Variants in MDGA2 observed in about 807,000 individuals in gnomAD.
MDGA2 encodes the protein MAM domain-containing glycosylphosphatidylinositol anchor protein 2.
Under a neutral mutation model 117.8 loss-of-function variants are expected in MDGA2, and 40 were observed. That is an observed-to-expected ratio of 0.34 (90% CI 0.26 to 0.44). The LOEUF is 0.44. Among genes scored for constraint, MDGA2 ranks in the 20% least tolerant of loss-of-function variants. The pLI, the probability that MDGA2 is intolerant of heterozygous loss-of-function variation, is 1.00. For synonymous variants in MDGA2, 452 were observed against 439.0 expected, an observed-to-expected ratio of 1.03 and a Z score of -0.37; for missense variants, 1,123 against 1,250.6, an observed-to-expected ratio of 0.90 and a Z score of 1.54.
At chr14:46,961,257 C>T (rs1225479047) in intron 8 of MDGA2, among the ~76,000 whole-genome samples, 1 of 152,102 alleles carries the variant, frequency 6.6e-6, no homozygotes, top group Non-Finnish European at 1.5e-5. Context: ...TGTCTTTCAT[C>T]TGAGGTAATT....
At chr14:46,942,488 T>C (rs1885033613) in intron 9 of MDGA2, among the ~76,000 whole-genome samples, 1 of 152,124 alleles carries the variant, frequency 6.6e-6, no homozygotes, top group Non-Finnish European at 1.5e-5. Flanking sequence ...TATATTGCTA[T>C]GTAATCACCA....
At chr14:47,008,382 C>G (rs1207921821) in intron 8 of MDGA2, among the ~76,000 whole-genome samples, 2 of 151,850 alleles carry the variant, frequency 1.3e-5, no homozygotes, top group Non-Finnish European at 2.9e-5. Context: ...CTCATACAAG[C>G]AGCTAAACAA....
At chr14:47,030,634 C>T (rs1594545476) in intron 8 of MDGA2, among the ~76,000 whole-genome samples, 1 of 151,900 alleles carries the variant, frequency 6.6e-6, no homozygotes, top group African/African-American at 2.4e-5. Context: ...TTCAATTATG[C>T]TATTCTAATG....
At chr14:47,481,671 T>C (rs1893956357) in intron 1 of MDGA2, among the ~76,000 whole-genome samples, 1 of 152,034 alleles carries the variant, frequency 6.6e-6, no homozygotes, top group South Asian at 2.1e-4. Flanking sequence ...AAATGATGTT[T>C]TGCTTAGTTT....
chr14:47,369,665 A>T (rs1891302898), intron 1 of MDGA2, among the ~76,000 whole-genome samples: 1 of 152,140 alleles, frequency 6.6e-6, no homozygotes, highest in East Asian at 1.9e-4. Context: ...CATTTCATTT[A>T]ATTATAAATA....
At chr14:47,351,135 A>G (rs1890871006) in intron 1 of MDGA2, among the ~76,000 whole-genome samples, 1 of 146,332 alleles carries the variant, frequency 6.8e-6, no homozygotes, top group Non-Finnish European at 1.5e-5. Flanking sequence ...CTGGAGTGCA[A>G]TGGCACGATC....
intron 10 of MDGA2, among the ~76,000 whole-genome samples, chr14:46,918,119 G>A (rs1224945005): frequency 6.6e-6 from 1 of 152,058 alleles, no homozygotes; most frequent in Non-Finnish European, 1.5e-5. Flanking sequence ...CCAAGAAAAC[G>A]TAACTGAGGA....
chr14:47,507,949 A>G (rs770028706), intron 1 of MDGA2, among the ~76,000 whole-genome samples: 3 of 152,214 alleles, frequency 2.0e-5, no homozygotes, highest in East Asian at 1.9e-4. Flanking sequence ...ATCCTCATAC[A>G]TGAATCCCAC....
intron 1 of MDGA2, among the ~76,000 whole-genome samples, chr14:47,601,176 A>G (rs138025549): frequency 5.2e-4 from 79 of 152,294 alleles, no homozygotes; most frequent in African/African-American, 1.8e-3. Context: ...AATAAATACT[A>G]GTCAGGGCCA....
intron 3 of MDGA2, among the ~76,000 whole-genome samples, chr14:47,162,397 C>A (rs536298903): frequency 1.3e-5 from 2 of 152,270 alleles, no homozygotes; most frequent in South Asian, 4.1e-4. Flanking sequence ...TCACTGGCTA[C>A]AGGATTCCTG....
At chr14:47,259,088 T>C (rs1887713142) in intron 2 of MDGA2, among the ~76,000 whole-genome samples, 1 of 152,050 alleles carries the variant, frequency 6.6e-6, no homozygotes, top group Non-Finnish European at 1.5e-5. Context: ...CCAAGACCAA[T>C]TTCCATTTGT....
rs184321821 is a variant in MDGA2 at position 46,857,848 on chromosome 14, G to T, written c.2753-2694C>A. ...TTATTTATCTTTTTTTATGAATGGG[G>T]TCTCTCCATCTTACTCAGGTAGATC... is the stretch of plus-strand genomic sequence containing the variant. On this transcript the variant is annotated intron_variant, in intron 14 of 16. Coordinates refer to ENST00000399232, the MANE Select transcript of MDGA2 (RefSeq NM_001113498.3). Among the ~76,000 whole-genome samples the T allele has an allele frequency of 2.0e-5, 3 of 151,910 alleles. No individual in the cohort carries two copies. In the East Asian group the frequency reaches 5.8e-4, roughly 29 times the overall value.
At chr14:46,862,439 G>T (rs1478547392) in intron 14 of MDGA2, among the ~76,000 whole-genome samples, 1 of 148,244 alleles carries the variant, frequency 6.7e-6, no homozygotes, top group Non-Finnish European at 1.5e-5. Context: ...ACTATAATTT[G>T]CATAAATAAT....
chr14:47,387,703 T>A (rs1891793327), intron 1 of MDGA2, among the ~76,000 whole-genome samples: 1 of 152,192 alleles, frequency 6.6e-6, no homozygotes, highest in Admixed American at 6.5e-5. Context: ...TTTTAACATA[T>A]TTATACTTTA....
At chr14:47,328,331 A>G (rs979439448) in intron 1 of MDGA2, among the ~76,000 whole-genome samples, 2 of 152,100 alleles carry the variant, frequency 1.3e-5, no homozygotes, top group African/African-American at 4.8e-5. Flanking sequence ...TATTTCTACT[A>G]ACTCAGGGAA....
intron 1 of MDGA2, among the ~76,000 whole-genome samples, chr14:47,488,887 T>G (rs1032727478): frequency 6.6e-6 from 1 of 152,136 alleles, no homozygotes; most frequent in East Asian, 1.9e-4. Context: ...AGTTTTCCTC[T>G]TAGATAAGAG....
intron 6 of MDGA2, among the ~76,000 whole-genome samples, chr14:47,065,511 G>C (rs1367051425): frequency 6.6e-6 from 1 of 152,166 alleles, no homozygotes; most frequent in Non-Finnish European, 1.5e-5. Flanking sequence ...TTGAAAGAGG[G>C]AACATTGCCT....
At chr14:47,021,277 T>C (rs541543478) in intron 8 of MDGA2, among the ~76,000 whole-genome samples, 46 of 152,282 alleles carry the variant, frequency 3.0e-4, no homozygotes, top group Middle Eastern at 3.4e-3. Context: ...TCCAGTAGTG[T>C]ACCTAGCAAC....
intron 8 of MDGA2, among the ~76,000 whole-genome samples, chr14:46,959,224 T>C (rs1170579203): frequency 8.0e-5 from 8 of 100,482 alleles, no homozygotes; most frequent in South Asian, 6.7e-4. Context: ...ATCACTATAA[T>C]CTCTTTTATC....
Sources: allele counts gnomAD v4.1 joint callset (sites outside exome capture counted in the v4.1 genomes callset), GRCh38; gene constraint gnomAD v4.1.1; transcripts MANE v1.5; gene names NCBI Gene and HGNC (gene_info 2026-07-23, HGNC 2026-07-21).